The following GCC2 variants were observed in gnomAD, a reference collection of about 807,000 sequenced individuals.
The protein encoded by GCC2 is GRIP and coiled-coil domain containing 2.
GCC2 carries 120 observed loss-of-function variants against 210.6 expected under a neutral mutation model. The observed-to-expected ratio is 0.57, with a 90% CI of 0.49 to 0.66. The LOEUF is 0.66. Among genes scored for constraint, GCC2 ranks in the 30% least tolerant of loss-of-function variants. The pLI is 0.00. For synonymous variants in GCC2, 703 were observed against 652.7 expected, an observed-to-expected ratio of 1.08 and a Z score of -1.17; for missense variants, 1,868 against 1,871.9, an observed-to-expected ratio of 1.00 and a Z score of 0.04.
At chr2:108,456,849 T>G (rs1680302626) in intron 4 of GCC2, among the ~76,000 whole-genome samples, 1 of 151,522 alleles carries the variant, frequency 6.6e-6, no homozygotes, top group Non-Finnish European at 1.5e-5. Flanking sequence ...CTTGGGATGC[T>G]GAGATAGGAA....
At chr2:108,494,375 GA>G (rs869045091) in intron 19 of GCC2, 36 of 139,220 alleles carry the variant, frequency 2.6e-4, no homozygotes, top group Non-Finnish European at 3.3e-4. Flanking sequence ...CCCTGTCTCA[GA>G]AAAAAAAAAA....
intron 22 of GCC2, among the ~76,000 whole-genome samples, chr2:108,502,197 C>T (rs989292824): frequency 3.3e-5 from 5 of 152,052 alleles, no homozygotes; most frequent in Admixed American, 6.5e-5. Context: ...ACTTTAAGAA[C>T]GTTTGCATTT....
rs116506122 is a variant in GCC2, at chr2:108,483,570, A to C, written c.3450+404A>C. ...TACATGTTGAAAAGGAATATTTTAG[A>C]ATGTTACTTGTGGTACTAAAATAAT... is the stretch of plus-strand genomic sequence containing the variant. On this transcript the variant is annotated intron_variant, in intron 12 of 22. Coordinates refer to ENST00000309863, the MANE Select transcript of GCC2 (RefSeq NM_181453.4). Among the ~76,000 whole-genome samples, 700 of 152,264 alleles carry C rather than the reference A, an allele frequency of 4.6e-3. 5 individuals are homozygous for C. The highest frequency in any genetic ancestry group is 0.016 in the African/African-American group (675 of 41,532).
At chr2:108,491,445 A>G (rs1682401241) in intron 18 of GCC2, among the ~76,000 whole-genome samples, 1 of 152,118 alleles carries the variant, frequency 6.6e-6, no homozygotes, top group African/African-American at 2.4e-5. Flanking sequence ...ATACACTAGT[A>G]TTTTCTAGAT....
intron 4 of GCC2, among the ~76,000 whole-genome samples, chr2:108,464,135 T>C (rs544030738): frequency 4.6e-5 from 7 of 152,038 alleles, no homozygotes; most frequent in African/African-American, 1.7e-4. Flanking sequence ...AATGTTCAGG[T>C]GGAGACAGCA....
At position 108,449,252 on chromosome 2, in the gene GCC2, G is replaced by A. The variant is rs575208339; in HGVS notation, c.-23G>A. On this transcript the variant is annotated 5_prime_UTR_variant, in exon 1 of 23. Transcript: ENST00000309863. ...TGCAGCGGTGGCGGCGGCTGGTTGC[G>A]GGCCGGCGGCGGGCTGGCGGAGATG... The A allele has an allele frequency of 2.6e-6, 4 of 1,548,640 alleles. No homozygotes were observed. In the Admixed American group the frequency reaches 7.9e-5, roughly 30 times the overall value.
In GCC2 at chr2:108,489,906, T is replaced by C; in HGVS notation, c.4121T>C (p.Ile1374Thr). Residue 1374 changes from isoleucine to threonine, a missense_variant, in exon 18 of 23, where the codon ATT (isoleucine) becomes ACT (threonine). By Grantham distance (89) the Ile-to-Thr change is moderately conservative (BLOSUM62 -1). Coordinates refer to ENST00000309863, the MANE Select transcript of GCC2 (RefSeq NM_181453.4). Reference protein sequence around the residue: ...KLQDSQNNLQINVSELQTLQS... With the variant: ...KLQDSQNNLQTNVSELQTLQS... ...CAAGATAGCCAAAATAACTTACAGA[T>C]TAATGTATCTGAACTTCAAACATTG... The C allele has an allele frequency of 6.2e-7, 1 of 1,610,874 alleles. No homozygotes were observed. The highest frequency in any genetic ancestry group is 8.5e-7 in the Non-Finnish European group (1 of 1,178,100).
rs772206642 is a variant in GCC2, at chr2:108,495,415, G to C, written c.4572G>C (p.Glu1524Asp). The C allele has an allele frequency of 6.3e-7, 1 of 1,592,482 alleles. No homozygotes were observed. Among genetic ancestry groups the C allele is most frequent in the South Asian group, 1.1e-5 (1 of 90,866 alleles). ...EGEGMETTDTESVSSASTYTQ... is the reference protein window; with the variant it reads ...EGEGMETTDTDSVSSASTYTQ... ...AAGGCATGGAGACAACTGATACGGA[G>C]TCTGTGTCTTCCGCCAGCACATACA... Residue 1524 changes from glutamate (E) to aspartate (D), a missense_variant, in exon 20 of 23, where the codon GAG becomes GAC. Glu to Asp is a conservative substitution (Grantham distance 45). This residue lies in a region of GCC2 where 1,847 missense variants were observed against 1,765.2 expected (regional missense o/e 1.05). Transcript: ENST00000309863.
At chr2:108,498,615 A>G (rs919595874) in intron 21 of GCC2, among the ~76,000 whole-genome samples, 1 of 152,240 alleles carries the variant, frequency 6.6e-6, no homozygotes, top group African/African-American at 2.4e-5. Flanking sequence ...CTAACCTAAA[A>G]TGAAAATATA....
chr2:108,452,273 C>T (rs1220852828), intron 3 of GCC2, 126 bp from the exon 4 acceptor site: 2 of 684,350 alleles, frequency 2.9e-6, no homozygotes, highest in African/African-American at 1.8e-5. Context: ...ATTAATCATA[C>T]TATTCTGCTT....
intron 17 of GCC2, among the ~76,000 whole-genome samples, chr2:108,489,247 G>A (rs777808519): frequency 5.3e-5 from 8 of 152,200 alleles, no homozygotes; most frequent in Admixed American, 2.0e-4. Context: ...CAGGCATGGC[G>A]GTTCACACCT....
chr2:108,505,572 A>G (rs1017648468), intron 22 of GCC2, among the ~76,000 whole-genome samples: 6 of 152,106 alleles, frequency 3.9e-5, no homozygotes, highest in Admixed American at 6.6e-5. Flanking sequence ...CTGCTTGCAC[A>G]CTTTGTTGAA....
At chr2:108,479,121 G>A (rs554620607) in intron 9 of GCC2, among the ~76,000 whole-genome samples, 3 of 152,060 alleles carry the variant, frequency 2.0e-5, no homozygotes, top group South Asian at 2.1e-4. Context: ...CTGAGATCAC[G>A]CCACTGCACT....
intron 22 of GCC2, among the ~76,000 whole-genome samples, chr2:108,505,660 A>G (rs1683145643): frequency 6.6e-6 from 1 of 151,862 alleles, no homozygotes; most frequent in Non-Finnish European, 1.5e-5. Flanking sequence ...TCCAACTACC[A>G]CATAAGTTTG....
intron 4 of GCC2, among the ~76,000 whole-genome samples, chr2:108,456,742 G>A (rs1680297658): frequency 6.7e-6 from 1 of 149,328 alleles, no homozygotes; most frequent in Non-Finnish European, 1.5e-5. Context: ...CTTGAGCCGA[G>A]CAGTTTGAGA....
At chr2:108,492,516 G>A in intron 18 of GCC2, 57 bp from the exon 19 acceptor site, 1 of 1,142,088 alleles carries the variant, frequency 8.8e-7, no homozygotes, top group Non-Finnish European at 1.3e-6. Context: ...GTTGAGAAAG[G>A]CTAAGTCAGC....
At chr2:108,452,518 TTG>T in intron 4 of GCC2, 52 bp downstream of exon 4, 1 of 1,068,744 alleles carries the variant, frequency 9.4e-7, no homozygotes, top group Non-Finnish European at 1.5e-6. Flanking sequence ...TCCCTGAGGA[TTG>T]TCAGTCTGCT....
intron 6 of GCC2, among the ~76,000 whole-genome samples, chr2:108,472,574 G>A: frequency 6.7e-6 from 1 of 150,240 alleles, no homozygotes; most frequent in South Asian, 2.1e-4. Context: ...TGTATTTAAT[G>A]TATCAGGTTG....
chr2:108,469,159 T>C (rs954713235), intron 5 of GCC2, 75 bp downstream of exon 5: 5 of 808,984 alleles, frequency 6.2e-6, no homozygotes, highest in African/African-American at 3.5e-5. Context: ...GGTAAGACTT[T>C]AAAAAGCATC....
Sources: gnomAD v4.1 joint callset for allele counts (sites outside exome capture counted in the v4.1 genomes callset) on GRCh38, gnomAD v4.1.1 for gene constraint, gnomAD v4.1.1 regional missense constraint, MANE v1.5 for transcripts, NCBI Gene and HGNC (gene_info 2026-07-23, HGNC 2026-07-21) for gene names.